FREM1: variants seen among roughly 807,000 people sequenced by gnomAD.
The protein encoded by FREM1 is FRAS1 related extracellular matrix 1.
FREM1 carries 220 observed loss-of-function variants against 210.1 expected under a neutral mutation model. That is an observed-to-expected ratio of 1.05 (90% CI 0.94 to 1.17). The LOEUF is 1.17. Ranked by LOEUF, FREM1 falls within the 50% of genes most tolerant of loss-of-function variation. FREM1 has a pLI of 0.00. For synonymous variants in FREM1, 1,189 were observed against 980.2 expected, an observed-to-expected ratio of 1.21 and a Z score of -3.98; for missense variants, 3,454 against 2,675.5, an observed-to-expected ratio of 1.29 and a Z score of -6.42.
At chr9:14,874,161 G>T (rs568656975) in intron 1 of FREM1, among the ~76,000 whole-genome samples, 3 of 152,074 alleles carry the variant, frequency 2.0e-5, no homozygotes, top group African/African-American at 7.2e-5. Context: ...TGGGGTGGAG[G>T]GTTCTGCAGA....
intron 16 of FREM1, among the ~76,000 whole-genome samples, chr9:14,811,310 T>C (rs1248341060): frequency 6.6e-6 from 1 of 152,236 alleles, no homozygotes; most frequent in African/African-American, 2.4e-5. Context: ...GAAATTTGTA[T>C]ACCTGTTGTT....
At chr9:14,818,440 G>C (rs2130688269) in intron 14 of FREM1, among the ~76,000 whole-genome samples, 1 of 152,298 alleles carries the variant, frequency 6.6e-6, no homozygotes, top group East Asian at 1.9e-4. Flanking sequence ...CAAGTGCAGA[G>C]CTAAGCATCT....
At chr9:14,755,936 G>T (rs1223845584) in intron 29 of FREM1, among the ~76,000 whole-genome samples, 1 of 152,060 alleles carries the variant, frequency 6.6e-6, no homozygotes, top group Admixed American at 6.5e-5. Context: ...ATTTCCCCTG[G>T]AATCTCCTAA....
intron 20 of FREM1, among the ~76,000 whole-genome samples, chr9:14,799,847 G>A (rs1209830648): frequency 6.6e-6 from 1 of 151,110 alleles, no homozygotes; most frequent in Non-Finnish European, 1.5e-5. Context: ...TGCACAATGT[G>A]CAGGTTAGTT....
At chr9:14,842,699 G>C in intron 8 of FREM1, 39 bp from the exon 9 acceptor site, 2 of 1,454,468 alleles carry the variant, frequency 1.4e-6, no homozygotes, top group Non-Finnish European at 1.9e-6. Context: ...TTGAGCAAGG[G>C]AGTGCAGAAG....
intron 27 of FREM1, among the ~76,000 whole-genome samples, chr9:14,763,314 T>C (rs969717153): frequency 3.3e-5 from 5 of 152,176 alleles, no homozygotes; most frequent in Non-Finnish European, 7.3e-5. Flanking sequence ...CAAAACTGTT[T>C]CGGGACCTTG....
Position 14,804,879 on chromosome 9 carries a change from A to G in FREM1, c.3471+77T>C, listed in dbSNP as rs1818067386. Reference sequence around the variant, plus strand: ...CAATGCAATGTGTTAATGCACTTGGAGCAATGTAAATGGACTAATTGAAAA... The same window carrying G: ...CAATGCAATGTGTTAATGCACTTGGGGCAATGTAAATGGACTAATTGAAAA... On this transcript the variant is annotated intron_variant, in intron 19 of 36. Transcript: ENST00000380880. The G allele has an allele frequency of 8.4e-6, 9 of 1,068,696 alleles. No individual in the cohort carries two copies. In the South Asian group the frequency reaches 1.2e-4, roughly 15 times the overall value. 66.2% of individuals were successfully genotyped at this position (1,068,696 alleles called of 1,614,324 possible).
chr9:14,763,179 C>T (rs1845808049), intron 27 of FREM1, among the ~76,000 whole-genome samples: 1 of 152,180 alleles, frequency 6.6e-6, no homozygotes, highest in African/African-American at 2.4e-5. Flanking sequence ...CAGGCTTTCC[C>T]ACCCATTTTG....
rs1822006700 is a variant in FREM1, at chr9:14,824,679, T to C, written c.2078+117A>G. ...AAACGCTTAATTGAGTATAATTTCA[T>C]GCCTGACCAATGGAGCAAGTAAACC... On this transcript the variant is annotated intron_variant, in intron 11 of 36. Transcript: ENST00000380880. The C allele has an allele frequency of 4.3e-6, 3 of 693,086 alleles. No homozygotes were observed. The South Asian group carries it at 6.2e-5, about 14-fold the overall frequency. 42.9% of individuals were successfully genotyped at this position (693,086 alleles called of 1,614,324 possible).
chr9:14,824,645 G>GA, intron 11 of FREM1, 151 bp downstream of exon 11: 1 of 579,268 alleles, frequency 1.7e-6, no homozygotes, highest in South Asian at 3.0e-5. Flanking sequence ...AGTTGTTTGA[G>GA]AAAAAAGTAA....
chr9:14,782,127 T>TCTAGGC (rs5896648), intron 24 of FREM1, among the ~76,000 whole-genome samples: 9,307 of 152,306 alleles, frequency 0.061, 369 homozygotes, highest in Non-Finnish European at 0.08. Context: ...AATACAGATT[T>TCTAGGC]CTGGGCCTGA....
chr9:14,811,939 T>C (rs1819481814), intron 16 of FREM1, among the ~76,000 whole-genome samples: 2 of 152,112 alleles, frequency 1.3e-5, no homozygotes, highest in Non-Finnish European at 2.9e-5. Context: ...AGACAGGAAA[T>C]TGCACTACAG....
At chr9:14,799,862 A>G (rs888920563) in intron 20 of FREM1, among the ~76,000 whole-genome samples, 4 of 151,708 alleles carry the variant, frequency 2.6e-5, no homozygotes, top group African/African-American at 9.7e-5. Context: ...TTAGTTACAT[A>G]TGTATACATG....
At position 14,812,929 on chromosome 9, in the gene FREM1, A is replaced by T. The variant is rs904025640; in HGVS notation, c.2776T>A (p.Leu926Met). The change falls in exon 16 of 37, where the codon TTG becomes ATG. Residue 926 changes from leucine (L) to methionine (M), a missense_variant. By Grantham distance (15) the Leu-to-Met change is conservative. Transcript: ENST00000380880. ...ATDVDSDNLK[L>M]MFVIAREPQH... ...GGTTCGCGAGCAATCACAAACATCA[A>T]CTTCAAGTTATCGCTGTCCACATCA... 1 of 1,613,960 alleles carries T rather than the reference A, an allele frequency of 6.2e-7. No homozygotes were observed. Among genetic ancestry groups the T allele is most frequent in the African/African-American group, 1.3e-5 (1 of 75,044 alleles).
At chr9:14,743,310 C>A (rs1841884450) in intron 35 of FREM1, among the ~76,000 whole-genome samples, 1 of 151,884 alleles carries the variant, frequency 6.6e-6, no homozygotes, top group South Asian at 2.1e-4. Flanking sequence ...ACCAATAGAA[C>A]CTAGTCACAA....
chr9:14,905,272 G>C (rs1817490068), intron 1 of FREM1, among the ~76,000 whole-genome samples: 1 of 152,160 alleles, frequency 6.6e-6, no homozygotes, highest in Non-Finnish European at 1.5e-5. Flanking sequence ...AATGGTGAGA[G>C]AGAGAGAGAG....
rs1449304656 is a variant in FREM1 at position 14,801,880 on chromosome 9, C to A, written c.3472-6G>T. ...TTCATCTGACCCTCACACACCTGAG[C>A]AAGAACACATGAGAAAAGTCAACAA... On this transcript the variant is annotated splice_polypyrimidine_tract_variant and splice_region_variant and intron_variant, in intron 19 of 36. Transcript: ENST00000380880. 6.3e-7 allele frequency: 1 copy of A among 1,593,576 alleles called. No individual in the cohort carries two copies. Among genetic ancestry groups the A allele is most frequent in the Non-Finnish European group, 8.6e-7 (1 of 1,167,542 alleles).
At chr9:14,864,029 G>C (rs539621950) in intron 2 of FREM1, 126 bp from the exon 3 acceptor site, 3 of 656,082 alleles carry the variant, frequency 4.6e-6, no homozygotes, top group East Asian at 5.5e-5. Context: ...GTGTGAGTGT[G>C]TGTGTCTTCA....
In FREM1 at chr9:14,846,168, A is replaced by G. The variant is rs963683285; in HGVS notation, c.1262-77T>C. On this transcript the variant is annotated intron_variant, in intron 7 of 36. Transcript: ENST00000380880. ...ATGAGGCACATATACACCATGGAAT[A>G]CTATGCAGCCATAAAAAATAATGAG... 4 of 1,181,150 alleles carry G rather than the reference A, an allele frequency of 3.4e-6. No individual in the cohort carries two copies. The African/African-American group carries it at 6.2e-5, about 18-fold the overall frequency. 73.2% of individuals were successfully genotyped at this position (1,181,150 alleles called of 1,614,324 possible). A position where few individuals can be genotyped will look rare whatever the true frequency, so the allele number is the denominator to read the frequency against.
Sources: allele counts gnomAD v4.1 joint callset (sites outside exome capture counted in the v4.1 genomes callset), GRCh38; gene constraint gnomAD v4.1.1; transcripts MANE v1.5; gene names NCBI Gene and HGNC (gene_info 2026-07-23, HGNC 2026-07-21).